The following USP34 variants were observed in gnomAD, a reference collection of about 807,000 sequenced individuals.
USP34 encodes ubiquitin carboxyl-terminal hydrolase 34.
Under a neutral mutation model 460.3 loss-of-function variants are expected in USP34, and 70 were observed. The observed-to-expected ratio is 0.15, with a 90% CI of 0.13 to 0.19. The LOEUF (loss-of-function observed/expected upper bound fraction) is 0.19, where lower values mean the gene tolerates loss of function less well. Ranked by LOEUF, USP34 falls within the 10% of genes least tolerant of loss-of-function variation. The probability of loss-of-function intolerance (pLI) is 1.00; values close to 1 mark genes in which losing one functional copy is unlikely to be tolerated. For synonymous variants in USP34, 1,647 were observed against 1,405.3 expected (o/e 1.17, Z -3.85); for missense variants, 3,985 against 4,236.2 (o/e 0.94, Z 1.65).
intron 29 of USP34, among the ~76,000 whole-genome samples, chr2:61,298,374 A>AAC (rs2103632952): frequency 7.0e-6 from 1 of 142,334 alleles, no homozygotes; most frequent in South Asian, 2.3e-4. Flanking sequence ...CAAAAAAAAA[A>AAC]AAAAAAAAAA....
At chr2:61,306,145 T>C (rs989291950) in intron 27 of USP34, among the ~76,000 whole-genome samples, 1 of 152,210 alleles carries the variant, frequency 6.6e-6, no homozygotes, top group Non-Finnish European at 1.5e-5. Context: ...CATGAAGTCC[T>C]TGCCCATGCC....
intron 15 of USP34, among the ~76,000 whole-genome samples, chr2:61,347,271 G>T (rs1423413985): frequency 6.6e-6 from 1 of 152,158 alleles, no homozygotes; most frequent in East Asian, 1.9e-4. Context: ...AAGAAAAAAA[G>T]GAAGGAAATA....
At chr2:61,263,825 T>C (rs1688969650) in intron 43 of USP34, among the ~76,000 whole-genome samples, 2 of 152,288 alleles carry the variant, frequency 1.3e-5, no homozygotes, top group South Asian at 4.1e-4. Context: ...GGTTTCACCA[T>C]ACTGGCCAAG....
At chr2:61,399,927 T>TA (rs1693661922) in intron 3 of USP34, among the ~76,000 whole-genome samples, 1 of 140,702 alleles carries the variant, frequency 7.1e-6, no homozygotes, top group Admixed American at 7.3e-5. Flanking sequence ...GTTCTTATTT[T>TA]AGGTAATCGC....
At chr2:61,320,650 T>C (rs527610764) in intron 21 of USP34, among the ~76,000 whole-genome samples, 1 of 151,448 alleles carries the variant, frequency 6.6e-6, no homozygotes, top group Admixed American at 6.6e-5. Context: ...GAATCACTTG[T>C]GGCCATGAGT....
intron 1 of USP34, among the ~76,000 whole-genome samples, chr2:61,468,440 C>T (rs867096366): frequency 1.3e-5 from 2 of 152,172 alleles, no homozygotes; most frequent in Non-Finnish European, 2.9e-5. Context: ...ACCTTGGCCT[C>T]GCAAAGTGTT....
chr2:61,194,972 T>C (rs1371580995), intron 75 of USP34, among the ~76,000 whole-genome samples: 7 of 145,920 alleles, frequency 4.8e-5, no homozygotes, highest in Admixed American at 2.7e-4. Flanking sequence ...AAAAAAAAAG[T>C]TTTGGGCCAG....
At chr2:61,450,576 A>G (rs1695242272) in intron 1 of USP34, among the ~76,000 whole-genome samples, 1 of 152,208 alleles carries the variant, frequency 6.6e-6, no homozygotes, top group South Asian at 2.1e-4. Context: ...AGCCCGGCCA[A>G]CATGGTGAAA....
intron 8 of USP34, among the ~76,000 whole-genome samples, chr2:61,373,430 C>G (rs1367486870): frequency 6.8e-6 from 1 of 147,674 alleles, no homozygotes; most frequent in African/African-American, 2.5e-5. Flanking sequence ...TCAAAACAAG[C>G]AGACTGAAAA....
chr2:61,287,648 TTC>T (rs967470771), intron 34 of USP34, among the ~76,000 whole-genome samples: 7 of 152,200 alleles, frequency 4.6e-5, no homozygotes, highest in Non-Finnish European at 1.0e-4. Context: ...TAAATATATT[TTC>T]TCTTATGATT....
At position 61,365,309 on chromosome 2, in the gene USP34, ATGTG is replaced by A. The variant is rs34664941; in HGVS notation, c.1251+5008_1251+5011del. The stretch of plus-strand genomic sequence containing the variant: ...CACACACACGTGTGTTTATTTATAA[ATGTG>A]TGTGTGTGTGTGTGTATATATGTAT... On this transcript the variant is annotated intron_variant, in intron 10 of 79. Transcript: ENST00000398571. 1.7e-3 allele frequency among the ~76,000 whole-genome samples: 252 copies of A among 147,930 alleles called. 3 individuals are homozygous for A. The East Asian group carries it at 0.018, about 11-fold the overall frequency.
At position 61,288,712 on chromosome 2, in the gene USP34, G is replaced by T. The variant is rs1460348857; in HGVS notation, c.4714C>A (p.His1572Asn). The T allele has an allele frequency of 6.2e-7, 1 of 1,613,990 alleles. No individual in the cohort carries two copies. Among genetic ancestry groups the T allele is most frequent in the South Asian group, 1.1e-5 (1 of 91,076 alleles). The part of the protein sequence containing the change: ...PGKSRKAAGD[H>N]AKGLHIPRLT... ...CGTGGTATATGAAGACCCTTAGCAT[G>T]ATCACCAGCAGCCTTCCTTGATTTG... is the stretch of plus-strand genomic sequence containing the variant. Residue 1572 changes from histidine to asparagine, a missense_variant, in exon 34 of 80, where the codon CAT becomes AAT. By Grantham distance (68) the His-to-Asn change is moderately conservative. Around this residue, in one of 14 missense-constraint regions of USP34, gnomAD observed 1,114 missense variants for 1,122.5 expected, o/e 0.99. Coordinates refer to ENST00000398571, the MANE Select transcript of USP34 (RefSeq NM_014709.4).
At chr2:61,209,162 T>TA (rs1218725581) in intron 69 of USP34, among the ~76,000 whole-genome samples, 185 bp from the exon 70 acceptor site, 2 of 152,088 alleles carry the variant, frequency 1.3e-5, no homozygotes, top group African/African-American at 2.4e-5. Context: ...AAACTCTAAC[T>TA]AAAAAAAAGT....
At chr2:61,342,318 T>TA (rs1439900720) in intron 16 of USP34, among the ~76,000 whole-genome samples, 1 of 147,862 alleles carries the variant, frequency 6.8e-6, no homozygotes, top group Non-Finnish European at 1.5e-5. Context: ...TTTTTTTTTT[T>TA]AAGACGGAGT....
intron 62 of USP34, among the ~76,000 whole-genome samples, chr2:61,226,444 T>TAC (rs148492894): frequency 7.9e-5 from 12 of 151,696 alleles, no homozygotes; most frequent in Admixed American, 1.3e-4. Flanking sequence ...TACATACACA[T>TAC]ACACACACAC....
intron 57 of USP34, among the ~76,000 whole-genome samples, chr2:61,232,870 C>CCTTT (rs1214353382): frequency 8.1e-5 from 7 of 86,756 alleles, no homozygotes; most frequent in African/African-American, 2.6e-4. Flanking sequence ...TCCCCCCCCC[C>CCTTT]TTTTTTTTTT....
intron 6 of USP34, among the ~76,000 whole-genome samples, chr2:61,380,915 A>G (rs1364001488): frequency 1.3e-5 from 2 of 152,182 alleles, no homozygotes; most frequent in African/African-American, 4.8e-5. Context: ...CACAAGACCA[A>G]TCGGCATGGC....
intron 41 of USP34, among the ~76,000 whole-genome samples, chr2:61,273,003 T>C (rs146029353): frequency 6.6e-6 from 1 of 151,992 alleles, no homozygotes; most frequent in Non-Finnish European, 1.5e-5. Flanking sequence ...CTGAAAACAG[T>C]CTACCAACAA....
chr2:61,328,319 TG>T (rs1307508013), intron 20 of USP34, among the ~76,000 whole-genome samples: 12 of 143,616 alleles, frequency 8.4e-5, no homozygotes, highest in Non-Finnish European at 1.5e-5. Flanking sequence ...AAAAATAAAG[TG>T]AAAAAAAAAT....
Sources: gnomAD v4.1 joint callset for allele counts (sites outside exome capture counted in the v4.1 genomes callset) on GRCh38, gnomAD v4.1.1 for gene constraint, gnomAD v4.1.1 regional missense constraint, MANE v1.5 for transcripts, NCBI Gene and HGNC (gene_info 2026-07-23, HGNC 2026-07-21) for gene names.